The following KCNJ6 variants were observed in gnomAD, a reference collection of about 807,000 sequenced individuals.
The protein encoded by KCNJ6 is G protein-activated inward rectifier potassium channel 2.
Under a neutral mutation model 34.2 loss-of-function variants are expected in KCNJ6, and 9 were observed. That is an observed-to-expected ratio of 0.26 (90% confidence interval 0.16 to 0.46). The LOEUF (loss-of-function observed/expected upper bound fraction) is 0.46. Among genes scored for constraint, KCNJ6 ranks in the 20% least tolerant of loss-of-function variants. The pLI is 1.00. For synonymous variants in KCNJ6, 196 were observed against 207.1 expected (o/e 0.95, Z 0.46); for missense variants, 236 against 531.3 (o/e 0.44, Z 5.46).
chr21:37,631,784 C>CGGGA (rs2054334759), intron 3 of KCNJ6, among the ~76,000 whole-genome samples: 1 of 152,136 alleles, frequency 6.6e-6, no homozygotes, highest in African/African-American at 2.4e-5. Flanking sequence ...GAGTCAGAGA[C>CGGGA]GGGAGTGGGA....
intron 2 of KCNJ6, among the ~76,000 whole-genome samples, chr21:37,821,486 C>T (rs1005911322): frequency 2.6e-5 from 4 of 152,078 alleles, no homozygotes; most frequent in African/African-American, 9.7e-5. Flanking sequence ...CCTATCAACC[C>T]ATCACCTAGG....
At chr21:37,635,516 C>T (rs1383580419) in intron 3 of KCNJ6, among the ~76,000 whole-genome samples, 1 of 150,184 alleles carries the variant, frequency 6.7e-6, no homozygotes, top group African/African-American at 2.5e-5. Flanking sequence ...CCGCACCTGG[C>T]CTATTATTTT....
chr21:37,674,141 T>G (rs529439603), intron 3 of KCNJ6, among the ~76,000 whole-genome samples: 2 of 152,262 alleles, frequency 1.3e-5, no homozygotes, highest in South Asian at 4.1e-4. Flanking sequence ...CGGCATCTTT[T>G]TCACCTTCAA....
chr21:37,692,975 C>A (rs534803117), intron 3 of KCNJ6, among the ~76,000 whole-genome samples: 1 of 152,272 alleles, frequency 6.6e-6, no homozygotes, highest in South Asian at 2.1e-4. Flanking sequence ...CACAAAGAAA[C>A]TCATTCTGTA....
intron 3 of KCNJ6, among the ~76,000 whole-genome samples, chr21:37,713,075 C>T (rs1425808021): frequency 2.0e-5 from 3 of 152,038 alleles, no homozygotes; most frequent in Non-Finnish European, 2.9e-5. Flanking sequence ...ACACCACCAC[C>T]GTAAAAGAAA....
intron 2 of KCNJ6, among the ~76,000 whole-genome samples, chr21:37,785,677 G>T (rs773614453): frequency 1.2e-4 from 18 of 152,278 alleles, no homozygotes; most frequent in Admixed American, 8.5e-4. Flanking sequence ...TTTGAGGAAG[G>T]TTTATCCATT....
intron 3 of KCNJ6, among the ~76,000 whole-genome samples, chr21:37,628,352 C>T (rs2054319955): frequency 6.6e-6 from 1 of 152,060 alleles, no homozygotes; most frequent in African/African-American, 2.4e-5. Flanking sequence ...AAATAAGTTA[C>T]ATGTAAAATC....
chr21:37,636,818 T>C (rs2054360014), intron 3 of KCNJ6, among the ~76,000 whole-genome samples: 1 of 152,200 alleles, frequency 6.6e-6, no homozygotes, highest in African/African-American at 2.4e-5. Flanking sequence ...AAAGTCATCC[T>C]CATGAGAGAA....
intron 3 of KCNJ6, among the ~76,000 whole-genome samples, chr21:37,629,312 G>T (rs949395513): frequency 6.6e-6 from 1 of 151,982 alleles, no homozygotes; most frequent in African/African-American, 2.4e-5. Flanking sequence ...AATATGTGGT[G>T]GGTCTGTTTG....
chr21:37,665,783 T>A (rs748082493), intron 3 of KCNJ6, among the ~76,000 whole-genome samples: 79 of 152,354 alleles, frequency 5.2e-4, no homozygotes, highest in Non-Finnish European at 1.0e-3. Context: ...TAATTCAAAG[T>A]GTATCTGAGA....
At chr21:37,821,518 G>C (rs1239932879) in intron 2 of KCNJ6, among the ~76,000 whole-genome samples, 23 of 152,224 alleles carry the variant, frequency 1.5e-4, no homozygotes, top group Admixed American at 1.5e-3. Context: ...ACATGCATTA[G>C]CTATTTATCC....
rs569803451 is a variant in KCNJ6 at position 37,610,732 on chromosome 21, C to T, written c.*14427G>A. 6 of 151,232 alleles carry T rather than the reference C, an allele frequency of 4.0e-5. No homozygotes were observed. The highest frequency in any genetic ancestry group is 1.3e-4 in the Admixed American group (2 of 15,204). The allele number at this position is 151,232 out of a possible 1,614,324, so 9.4% of individuals were successfully genotyped here. On this transcript the variant is annotated 3_prime_UTR_variant, in exon 4 of 4. Coordinates refer to ENST00000609713, the MANE Select transcript of KCNJ6 (RefSeq NM_002240.5). ...AAATACTTGGAGATTAAACAACACA[C>T]GTGTAAATATCATGGGTCAAAGAAG...
chr21:37,782,949 G>T (rs1258582979), intron 2 of KCNJ6, among the ~76,000 whole-genome samples: 2 of 152,150 alleles, frequency 1.3e-5, no homozygotes, highest in Non-Finnish European at 2.9e-5. Context: ...GTCTGAATTT[G>T]TCTTAGTCCC....
At chr21:37,863,846 G>GTTTTTTTTTTTTTTTTTTTTTTTTTTTTT (rs772060420) in intron 1 of KCNJ6, among the ~76,000 whole-genome samples, 2 of 97,068 alleles carry the variant, frequency 2.1e-5, no homozygotes, top group Non-Finnish European at 3.9e-5. Context: ...AAATATAAAG[G>GTTTTTTTTTTTTTTTTTTTTTTTTTTTTT]TTTTTTTTTT....
At chr21:37,855,858 A>C (rs1286242079) in intron 1 of KCNJ6, among the ~76,000 whole-genome samples, 1 of 152,214 alleles carries the variant, frequency 6.6e-6, no homozygotes, top group African/African-American at 2.4e-5. Context: ...TGTGAGGAAG[A>C]AAAAATGACT....
In KCNJ6 at chr21:37,614,512, G is replaced by GTGCGTGTATGCATGTGTC. The variant is rs2054255961; in HGVS notation, c.*10646_*10647insGACACATGCATACACGCA. The GTGCGTGTATGCATGTGTC allele has an allele frequency of 8.4e-6, 1 of 119,054 alleles. No homozygotes were observed. The highest frequency in any genetic ancestry group is 2.9e-4 in the South Asian group (1 of 3,508). The allele number at this position is 119,054 out of a possible 1,614,324, so 7.4% of individuals were successfully genotyped here. On this transcript the variant is annotated 3_prime_UTR_variant, in exon 4 of 4. Transcript: ENST00000609713. Reference sequence around the variant, plus strand: ...TGTGTGCGTGTATGCATGTGTCTCTGTATGCATGTGTGTATGCATGTCTCT... The same window carrying GTGCGTGTATGCATGTGTC: ...TGTGTGCGTGTATGCATGTGTCTCTGTGCGTGTATGCATGTGTCTATGCATGTGTGTATGCATGTCTCT...
intron 2 of KCNJ6, among the ~76,000 whole-genome samples, chr21:37,815,480 TGG>T (rs1454940151): frequency 6.6e-6 from 1 of 152,204 alleles, no homozygotes; most frequent in Non-Finnish European, 1.5e-5. Flanking sequence ...GGAGTGGTGA[TGG>T]CTCTGTGCAG....
chr21:37,803,643 C>T (rs186740792), intron 2 of KCNJ6, among the ~76,000 whole-genome samples: 97 of 152,294 alleles, frequency 6.4e-4, no homozygotes, highest in African/African-American at 2.1e-3. Flanking sequence ...CAGAGAAGTG[C>T]CCTCCTCCCT....
chr21:37,783,118 C>T (rs1407085714), intron 2 of KCNJ6, among the ~76,000 whole-genome samples: 1 of 152,198 alleles, frequency 6.6e-6, no homozygotes, highest in Non-Finnish European at 1.5e-5. Context: ...ACACAGGAGT[C>T]AATGCCATGA....
Sources: gnomAD v4.1 joint callset for allele counts (sites outside exome capture counted in the v4.1 genomes callset) on GRCh38, gnomAD v4.1.1 for gene constraint, MANE v1.5 for transcripts, NCBI Gene and HGNC (gene_info 2026-07-23, HGNC 2026-07-21) for gene names.